NHS: variants seen among roughly 807,000 people sequenced by gnomAD.
NHS encodes actin remodeling regulator NHS.
NHS carries 5 observed loss-of-function variants against 72.5 expected under a neutral mutation model. The ratio of observed to expected loss-of-function variants is 0.07; its 90% CI spans 0.04 to 0.14. The LOEUF is 0.14. NHS is among the 10% of genes least tolerant of loss of function. The pLI is 1.00. For synonymous variants in NHS, 464 were observed against 547.7 expected, an observed-to-expected ratio of 0.85 and a Z score of 2.13; for missense variants, 1,072 against 1,355.7, an observed-to-expected ratio of 0.79 and a Z score of 3.29.
chrX:17,577,056 CT>C (rs1210440317), intron 1 of NHS, among the ~76,000 whole-genome samples: 1 of 111,947 alleles, frequency 8.9e-6, no homozygotes, highest in Non-Finnish European at 1.9e-5. Context: ...CCTCCTTCTC[CT>C]AATCCCCCTG....
chrX:17,594,538 G>A (rs2065616739), intron 1 of NHS, among the ~76,000 whole-genome samples: 1 of 112,070 alleles, frequency 8.9e-6, no homozygotes, highest in African/African-American at 3.2e-5. Flanking sequence ...GTTCTGCCTG[G>A]GGTACCCCTG....
rs1324505815 is a variant in NHS, at chrX:17,687,859, G to A, written c.683G>A (p.Arg228His). The stretch of plus-strand genomic sequence containing the variant: ...CCACCCTGCGTGGAGGAGCTGCACC[G>A]CCACGCCCGGCAGAGCCTGCAAGCC... ...TRPPCVEELH[R>H]HARQSLQALR... Residue 228 changes from arginine to histidine, a missense_variant, in exon 2 of 9, where the codon CGC (arginine) becomes CAC (histidine). By Grantham distance (29) the Arg-to-His change is conservative. Coordinates refer to ENST00000676302, the MANE Select transcript of NHS (RefSeq NM_001291867.2). The A allele has an allele frequency of 5.0e-6, 6 of 1,210,266 alleles. No homozygotes were observed. In the African/African-American group the frequency reaches 5.2e-5, roughly 11 times the overall value.
In NHS at chrX:17,726,692, T is replaced by C; in HGVS notation, c.2586T>C (p.Asp862=). The change falls in exon 7 of 9, where the codon GAT becomes GAC. Residue 862 remains aspartate, a synonymous_variant. Coordinates refer to ENST00000676302, the MANE Select transcript of NHS (RefSeq NM_001291867.2). ...PKRSSSLRKS[D]GNADISEKKE... ...GTAGCTCATCATTGAGGAAGTCTGA[T>C]GGAAACGCAGATATTTCTGAGAAGA... The C allele has an allele frequency of 2.5e-6, 3 of 1,211,761 alleles. No individual in the cohort carries two copies. The highest frequency in any genetic ancestry group is 3.3e-6 in the Non-Finnish European group (3 of 895,555).
intron 1 of NHS, among the ~76,000 whole-genome samples, chrX:17,551,246 A>G (rs2065334772): frequency 9.0e-6 from 1 of 111,701 alleles, no homozygotes. Context: ...CTTATTTAAC[A>G]CTGTACCTGC....
intron 1 of NHS, among the ~76,000 whole-genome samples, chrX:17,645,500 C>T (rs2065901997): frequency 9.0e-6 from 1 of 111,563 alleles, no homozygotes; most frequent in Non-Finnish European, 1.9e-5. Flanking sequence ...GCTTACTGCC[C>T]GAAGCCTGGG....
intron 1 of NHS, among the ~76,000 whole-genome samples, chrX:17,412,392 C>T (rs2064564369): frequency 9.1e-6 from 1 of 110,062 alleles, no homozygotes; most frequent in South Asian, 3.9e-4. Context: ...CCCAGGAGTT[C>T]AAGACCAGCC....
chrX:17,533,284 T>C (rs1232755815), intron 1 of NHS, among the ~76,000 whole-genome samples: 2 of 111,407 alleles, frequency 1.8e-5, no homozygotes, highest in African/African-American at 6.5e-5. Flanking sequence ...AGGTTGCTCG[T>C]TGATTTTTAT....
chrX:17,708,457 GA>G lies in NHS; in HGVS notation c.853-10880del, dbSNP rs761901703. On this transcript the variant is annotated intron_variant, in intron 3 of 8. Coordinates refer to ENST00000676302, the MANE Select transcript of NHS (RefSeq NM_001291867.2). ...GTCTTCTCATTGACTCCTTCATTTT[GA>G]AAAAAATTAACTGAATGCCTACTAT... Among the ~76,000 whole-genome samples, 17 of 111,614 alleles carry G rather than the reference GA, an allele frequency of 1.5e-4. No individual in the cohort carries two copies. The East Asian group carries it at 2.8e-3, about 18-fold the overall frequency.
chrX:17,675,947 G>A (rs2066077276), intron 1 of NHS, among the ~76,000 whole-genome samples: 1 of 110,553 alleles, frequency 9.0e-6, no homozygotes, highest in Non-Finnish European at 1.9e-5. Flanking sequence ...TGGTATGTGG[G>A]GCCTTTTGTA....
intron 1 of NHS, among the ~76,000 whole-genome samples, chrX:17,588,545 T>G (rs1466028707): frequency 9.0e-6 from 1 of 110,911 alleles, no homozygotes; most frequent in Non-Finnish European, 1.9e-5. Context: ...GTGCAAAGCA[T>G]AGACTCACGA....
intron 1 of NHS, among the ~76,000 whole-genome samples, chrX:17,379,521 TC>T (rs1381006334): frequency 2.7e-5 from 3 of 112,408 alleles, no homozygotes; most frequent in Non-Finnish European, 3.8e-5. Context: ...ACGCCTGTAA[TC>T]CCAGCACTTT....
chrX:17,456,391 G>T (rs773797676), intron 1 of NHS, among the ~76,000 whole-genome samples: 2 of 111,790 alleles, frequency 1.8e-5, no homozygotes, highest in Non-Finnish European at 3.8e-5. Context: ...GCAGATCTGA[G>T]ATTTCAAACA....
intron 1 of NHS, among the ~76,000 whole-genome samples, chrX:17,391,065 G>A (rs953500757): frequency 9.0e-6 from 1 of 111,616 alleles, no homozygotes; most frequent in African/African-American, 3.3e-5. Flanking sequence ...CAAACAAACA[G>A]ACAGACAGAC....
intron 1 of NHS, among the ~76,000 whole-genome samples, chrX:17,555,941 G>A (rs192311499): frequency 1.2e-3 from 138 of 112,216 alleles, no homozygotes; most frequent in Non-Finnish European, 2.2e-3. Flanking sequence ...CACATGCAGG[G>A]GAGAAATCAC....
At chrX:17,636,364 A>G (rs369904360) in intron 1 of NHS, among the ~76,000 whole-genome samples, 1 of 112,203 alleles carries the variant, frequency 8.9e-6, no homozygotes, top group East Asian at 2.8e-4. Context: ...ATGCAATTGA[A>G]CCCTATTTGA....
chrX:17,639,753 T>C (rs1370989516), intron 1 of NHS, among the ~76,000 whole-genome samples: 1 of 112,283 alleles, frequency 8.9e-6, no homozygotes, highest in Non-Finnish European at 1.9e-5. Context: ...TTGGAGATTA[T>C]GTTTCAACAT....
intron 1 of NHS, chrX:17,586,722 T>C (rs1355141584): frequency 8.9e-6 from 1 of 111,888 alleles, no homozygotes; most frequent in East Asian, 2.8e-4. Flanking sequence ...CTTGGGAAGC[T>C]GGGCAGAGAT....
chrX:17,689,173 T>C (rs1371801775), intron 2 of NHS, among the ~76,000 whole-genome samples: 3 of 112,298 alleles, frequency 2.7e-5, no homozygotes, highest in Non-Finnish European at 5.6e-5. Flanking sequence ...CAATAGTTTG[T>C]TGCCTTCAAT....
intron 1 of NHS, among the ~76,000 whole-genome samples, chrX:17,408,188 T>G (rs1026145812): frequency 1.8e-5 from 2 of 110,505 alleles, no homozygotes; most frequent in Non-Finnish European, 3.8e-5. Context: ...GTATTTTTTG[T>G]AGAGATGGGG....
Sources: gnomAD v4.1 joint callset for allele counts (sites outside exome capture counted in the v4.1 genomes callset) on GRCh38, gnomAD v4.1.1 for gene constraint, MANE v1.5 for transcripts, NCBI Gene and HGNC (gene_info 2026-07-23, HGNC 2026-07-21) for gene names.